The following MYO5B variants were observed in gnomAD, a reference collection of about 807,000 sequenced individuals.
MYO5B encodes the protein unconventional myosin-Vb.
MYO5B carries 143 observed loss-of-function variants against 229.3 expected under a neutral mutation model. The ratio of observed to expected loss-of-function variants is 0.62; its 90% CI spans 0.54 to 0.72. MYO5B has a LOEUF of 0.72. Ranked by LOEUF, MYO5B falls within the 30% of genes least tolerant of loss-of-function variation. The probability of loss-of-function intolerance (pLI) is 0.00; values close to 1 mark genes in which losing one functional copy is unlikely to be tolerated. For missense variants in MYO5B, 2,321 were observed against 2,331.0 expected (o/e 1.00, Z 0.09); for synonymous variants, 918 against 885.2 (o/e 1.04, Z -0.66).
chr18:49,939,051 A>T (rs565442213), intron 14 of MYO5B, among the ~76,000 whole-genome samples: 1 of 152,256 alleles, frequency 6.6e-6, no homozygotes, highest in East Asian at 1.9e-4. Flanking sequence ...AATCCGTGTA[A>T]GCATGTAGAA....
At chr18:50,039,389 T>C (rs1194891192) in intron 3 of MYO5B, among the ~76,000 whole-genome samples, 2 of 152,216 alleles carry the variant, frequency 1.3e-5, no homozygotes, top group African/African-American at 4.8e-5. Flanking sequence ...TGGAGTGCAG[T>C]GGCGCGATCT....
intron 1 of MYO5B, among the ~76,000 whole-genome samples, chr18:50,177,764 C>T (rs930980205): frequency 1.3e-5 from 2 of 152,224 alleles, no homozygotes; most frequent in Non-Finnish European, 2.9e-5. Context: ...CTAAACTGAT[C>T]TGAGGCAGGG....
chr18:49,895,614 A>G (rs570343677), intron 21 of MYO5B, among the ~76,000 whole-genome samples: 1 of 152,220 alleles, frequency 6.6e-6, no homozygotes, highest in Admixed American at 6.5e-5. Flanking sequence ...GTTGCAATCT[A>G]ATCGCTGGCT....
intron 1 of MYO5B, among the ~76,000 whole-genome samples, chr18:50,134,893 CACTT>C (rs780103811): frequency 6.6e-5 from 10 of 152,330 alleles, no homozygotes; most frequent in Middle Eastern, 3.4e-3. Context: ...TGCCTACAGA[CACTT>C]ACTCAGATCT....
At chr18:50,093,185 CACACACACACACACACACACAG>C (rs1014961606) in intron 1 of MYO5B, among the ~76,000 whole-genome samples, 7 of 107,158 alleles carry the variant, frequency 6.5e-5, no homozygotes, top group African/African-American at 2.6e-4. Context: ...TTGTGCCACA[CACACACACACACACACACACAG>C]ACACACACAC....
intron 14 of MYO5B, 42 bp from the exon 15 acceptor site, chr18:49,937,439 T>C (rs1388006740): frequency 2.5e-6 from 4 of 1,604,252 alleles, no homozygotes; most frequent in Non-Finnish European, 3.4e-6. Flanking sequence ...TGACATCTCC[T>C]GCACCTTACA....
At chr18:50,116,165 T>C (rs1007551474) in intron 1 of MYO5B, among the ~76,000 whole-genome samples, 1 of 152,232 alleles carries the variant, frequency 6.6e-6, no homozygotes, top group Non-Finnish European at 1.5e-5. Flanking sequence ...ATGACCCTAA[T>C]AGACCAAAGT....
intron 4 of MYO5B, among the ~76,000 whole-genome samples, chr18:50,033,924 A>C: frequency 6.9e-6 from 1 of 144,074 alleles, no homozygotes; most frequent in Non-Finnish European, 1.5e-5. Context: ...GGGGGTGGGT[A>C]TGGGGGGGAA....
At chr18:50,179,936 A>G (rs770876578) in intron 1 of MYO5B, among the ~76,000 whole-genome samples, 9 of 152,194 alleles carry the variant, frequency 5.9e-5, no homozygotes, top group Admixed American at 3.3e-4. Context: ...GGTGGTATCA[A>G]TGCGGGATGC....
chr18:49,984,142 G>A (rs2025845310), intron 8 of MYO5B, among the ~76,000 whole-genome samples: 2 of 152,210 alleles, frequency 1.3e-5, no homozygotes. Context: ...AAGTGGCAGG[G>A]AAGCAGGGCA....
intron 17 of MYO5B, among the ~76,000 whole-genome samples, chr18:49,928,254 G>C (rs898173452): frequency 6.6e-6 from 1 of 152,234 alleles, no homozygotes; most frequent in Non-Finnish European, 1.5e-5. Flanking sequence ...CATGGATGTG[G>C]TGAAAAGGGA....
intron 17 of MYO5B, among the ~76,000 whole-genome samples, chr18:49,928,577 G>A (rs555803125): frequency 9.9e-5 from 15 of 152,240 alleles, no homozygotes; most frequent in African/African-American, 3.6e-4. Context: ...ACAGGAGGCA[G>A]AGGTTGCAGT....
chr18:49,865,217 T>G (rs1422081292), intron 27 of MYO5B, among the ~76,000 whole-genome samples: 2 of 152,146 alleles, frequency 1.3e-5, no homozygotes, highest in African/African-American at 4.8e-5. Flanking sequence ...TCTCTTGATT[T>G]GCTGAGTGAG....
intron 1 of MYO5B, among the ~76,000 whole-genome samples, chr18:50,083,601 C>T (rs2031267554): frequency 6.6e-6 from 1 of 152,160 alleles, no homozygotes; most frequent in Admixed American, 6.5e-5. Flanking sequence ...GACACGTGGG[C>T]ATCACAGCAC....
chr18:49,853,558 T>C lies in MYO5B; in HGVS notation c.4112A>G (p.Glu1371Gly). 1.2e-6 allele frequency: 2 copies of C among 1,614,100 alleles called. No homozygotes were observed. The highest frequency in any genetic ancestry group is 2.7e-5 in the African/African-American group (2 of 75,014). The change falls in exon 31 of 40, where the codon GAG (glutamate) becomes GGG (glycine). Residue 1371 changes from glutamate (E) to glycine (G), a missense_variant. This residue lies in a region of MYO5B where 2,113 missense variants were observed against 2,044.7 expected (regional missense o/e 1.03). Transcript: ENST00000285039. ...LKAQLEALKE[E>G]MDKQQQTFCQ... The stretch of plus-strand genomic sequence containing the variant: ...GAAGGTCTGCTGCTGTTTGTCCATC[T>C]CCTCCTTCAGGGCCTCGAGCTGAGC...
intron 22 of MYO5B, among the ~76,000 whole-genome samples, chr18:49,885,014 C>A (rs543846849): frequency 6.6e-6 from 1 of 152,102 alleles, no homozygotes; most frequent in Non-Finnish European, 1.5e-5. Context: ...AAATCAGAAC[C>A]CTCATATGCT....
chr18:49,935,430 T>C (rs1568037146), intron 16 of MYO5B, among the ~76,000 whole-genome samples: 1 of 107,420 alleles, frequency 9.3e-6, no homozygotes, highest in South Asian at 3.5e-4. Flanking sequence ...CACAGCAGGT[T>C]AGAGAGAACT....
intron 1 of MYO5B, among the ~76,000 whole-genome samples, chr18:50,186,554 C>T (rs1489829620): frequency 2.6e-5 from 4 of 152,172 alleles, no homozygotes; most frequent in Non-Finnish European, 5.9e-5. Flanking sequence ...CCTACTTCCT[C>T]TTTCACCAAG....
intron 29 of MYO5B, among the ~76,000 whole-genome samples, chr18:49,858,388 G>A (rs537292387): frequency 1.4e-4 from 21 of 152,340 alleles, no homozygotes; most frequent in South Asian, 6.2e-4. Flanking sequence ...GCGCATCAGC[G>A]CTGAAAGGGA....
Sources: allele counts gnomAD v4.1 joint callset (sites outside exome capture counted in the v4.1 genomes callset), GRCh38; gene constraint gnomAD v4.1.1; regional missense constraint gnomAD v4.1.1; transcripts MANE v1.5; gene names NCBI Gene and HGNC (gene_info 2026-07-23, HGNC 2026-07-21).